MGAT4A: variants seen among roughly 807,000 people sequenced by gnomAD.
The protein encoded by MGAT4A is N-acetylglucosaminyltransferase IVa.
A neutral mutation model predicts 74.1 loss-of-function variants in MGAT4A; 33 were observed. The ratio of observed to expected loss-of-function variants is 0.45; its 90% confidence interval spans 0.34 to 0.60. MGAT4A has a LOEUF of 0.60. Among genes scored for constraint, MGAT4A ranks in the 20% least tolerant of loss-of-function variants. MGAT4A has a pLI of 0.02. For missense variants in MGAT4A, 479 were observed against 628.3 expected (o/e 0.76, Z 2.54); for synonymous variants, 198 against 210.4 (o/e 0.94, Z 0.51).
At chr2:98,655,318 G>T in intron 8 of MGAT4A, 127 bp downstream of exon 8, 2 of 659,088 alleles carry the variant, frequency 3.0e-6, no homozygotes, top group South Asian at 2.2e-5. Context: ...CCTCTGCTCT[G>T]AGATAGTTAT....
intron 4 of MGAT4A, among the ~76,000 whole-genome samples, chr2:98,665,121 A>G (rs897726229): frequency 1.3e-5 from 2 of 152,052 alleles, no homozygotes; most frequent in Non-Finnish European, 2.9e-5. Flanking sequence ...CGAGGTCAGG[A>G]GATCGAGACC....
chr2:98,682,422 CAAA>C (rs1013377462), intron 2 of MGAT4A, among the ~76,000 whole-genome samples: 536 of 36,308 alleles, frequency 0.015, 2 homozygotes, highest in African/African-American at 0.059. Flanking sequence ...AATTCCATCT[CAAA>C]AAAAAAAAAA....
intron 14 of MGAT4A, among the ~76,000 whole-genome samples, chr2:98,631,027 C>T (rs1450436375): frequency 6.6e-6 from 1 of 152,168 alleles, no homozygotes; most frequent in Non-Finnish European, 1.5e-5. Context: ...GCCGTGGCTC[C>T]CCTCCGCCCG....
intron 5 of MGAT4A, among the ~76,000 whole-genome samples, chr2:98,662,407 A>G (rs1468655882): frequency 6.6e-6 from 1 of 152,176 alleles, no homozygotes; most frequent in Non-Finnish European, 1.5e-5. Flanking sequence ...TACTTCTCTA[A>G]TAAGGAAATC....
intron 2 of MGAT4A, among the ~76,000 whole-genome samples, chr2:98,685,982 C>G (rs1702125127): frequency 6.6e-6 from 1 of 152,212 alleles, no homozygotes. Context: ...CTCCCTTCCT[C>G]TGGCCCACAG....
chr2:98,709,617 T>C (rs2104323407), intron 2 of MGAT4A, among the ~76,000 whole-genome samples: 1 of 152,310 alleles, frequency 6.6e-6, no homozygotes, highest in South Asian at 2.1e-4. Flanking sequence ...GACATCCAGT[T>C]CAGGAGTATG....
chr2:98,684,303 G>A (rs1702100418), intron 2 of MGAT4A, among the ~76,000 whole-genome samples: 1 of 152,222 alleles, frequency 6.6e-6, no homozygotes, highest in South Asian at 2.1e-4. Context: ...TTTGTATGAG[G>A]GGTCATGGTG....
At chr2:98,653,121 CAA>C (rs57040440) in intron 8 of MGAT4A, among the ~76,000 whole-genome samples, 16 of 140,268 alleles carry the variant, frequency 1.1e-4, no homozygotes, top group Non-Finnish European at 1.4e-4. Flanking sequence ...CAAACGAAAA[CAA>C]AAAAAAAAAT....
intron 7 of MGAT4A, chr2:98,655,779 T>TA: frequency 3.2e-6 from 1 of 315,636 alleles, no homozygotes; most frequent in Non-Finnish European, 5.8e-6. Context: ...TAATATCAAG[T>TA]AAGTATGTAT....
chr2:98,669,235 C>T (rs868308039), intron 4 of MGAT4A, among the ~76,000 whole-genome samples: 274 of 152,178 alleles, frequency 1.8e-3, no homozygotes, highest in African/African-American at 6.1e-3. Context: ...GGGAGGGACC[C>T]GGTGGGAGGT....
intron 2 of MGAT4A, among the ~76,000 whole-genome samples, chr2:98,717,500 CTGGTGAAATTCAAATAAGGTT>C (rs1277432890): frequency 6.6e-6 from 1 of 151,942 alleles, no homozygotes; most frequent in Non-Finnish European, 1.5e-5. Context: ...AGTGGGAACT[CTGGTGAAATTCAAATAAGGTT>C]TGTAGATTAG....
intron 2 of MGAT4A, among the ~76,000 whole-genome samples, chr2:98,707,485 T>C (rs539493797): frequency 1.5e-4 from 23 of 152,276 alleles, no homozygotes; most frequent in African/African-American, 5.1e-4. Flanking sequence ...CCATCTGCAA[T>C]AGCCACTTTC....
Position 98,703,270 on chromosome 2 carries a change from T to C in MGAT4A, c.94+22969A>G, listed in dbSNP as rs565246199. ...TAAAATTAAAATTCACTAGAGAGGC[T>C]CAGCAGCAGATTTCAGATGGCAGAA... On this transcript the variant is annotated intron_variant, in intron 2 of 15. Coordinates refer to ENST00000393487, the MANE Select transcript of MGAT4A (RefSeq NM_012214.3). 2.6e-5 allele frequency among the ~76,000 whole-genome samples: 4 copies of C among 152,224 alleles called. No individual in the cohort carries two copies. The South Asian group carries it at 8.3e-4, about 32-fold the overall frequency.
At chr2:98,653,189 G>A (rs142606575) in intron 8 of MGAT4A, among the ~76,000 whole-genome samples, 3 of 148,502 alleles carry the variant, frequency 2.0e-5, no homozygotes, top group African/African-American at 7.4e-5. Context: ...GTTTATACCA[G>A]TAAACATTTA....
At chr2:98,706,265 A>C (rs943498638) in intron 2 of MGAT4A, among the ~76,000 whole-genome samples, 1 of 152,200 alleles carries the variant, frequency 6.6e-6, no homozygotes, top group Non-Finnish European at 1.5e-5. Context: ...TAGGAACTAG[A>C]GAACGGAATG....
intron 5 of MGAT4A, among the ~76,000 whole-genome samples, chr2:98,660,418 G>GCACA (rs534943882): frequency 0.087 from 12,233 of 141,286 alleles, 616 homozygotes; most frequent in Admixed American, 0.15. Context: ...ACACGCACGC[G>GCACA]CACACACACA....
Position 98,621,599 on chromosome 2 carries a change from C to T in MGAT4A, c.*3967G>A. ...ATAATCATGGATCAAACAGGTTCCA[C>T]CCATGCTCAAAGTGGGAGGATATTA... On this transcript the variant is annotated 3_prime_UTR_variant, in exon 16 of 16. Transcript: ENST00000393487. 2.6e-6 allele frequency: 4 copies of T among 1,523,930 alleles called. No homozygotes were observed. The highest frequency in any genetic ancestry group is 2.6e-6 in the Non-Finnish European group (3 of 1,132,392). The allele number at this position is 1,523,930 out of a possible 1,614,324, so 94.4% of individuals were successfully genotyped here.
At chr2:98,681,251 G>A (rs1390423183) in intron 2 of MGAT4A, among the ~76,000 whole-genome samples, 1 of 152,158 alleles carries the variant, frequency 6.6e-6, no homozygotes, top group Non-Finnish European at 1.5e-5. Context: ...AAAGTGCTGG[G>A]ATTACAGACG....
chr2:98,710,077 A>G (rs541294769), intron 2 of MGAT4A, among the ~76,000 whole-genome samples: 33 of 152,334 alleles, frequency 2.2e-4, no homozygotes, highest in African/African-American at 7.5e-4. Context: ...AAACAACAGG[A>G]ACACTTTTGT....
Sources: gnomAD v4.1 joint callset for allele counts (sites outside exome capture counted in the v4.1 genomes callset) on GRCh38, gnomAD v4.1.1 for gene constraint, MANE v1.5 for transcripts, NCBI Gene and HGNC (gene_info 2026-07-23, HGNC 2026-07-21) for gene names.